HIBCH: variants seen among roughly 807,000 people sequenced by gnomAD.
The protein encoded by HIBCH is 3-hydroxyisobutyryl-CoA hydrolase, mitochondrial.
HIBCH carries 50 observed loss-of-function variants against 58.2 expected under a neutral mutation model. That is an observed-to-expected ratio of 0.86 (90% CI 0.68 to 1.09). The LOEUF is 1.09. HIBCH is among the 50% of genes least tolerant of loss of function. The pLI is 0.00. For missense variants in HIBCH, 450 were observed against 449.7 expected, an observed-to-expected ratio of 1.00 and a Z score of -0.01; for synonymous variants, 151 against 146.9, an observed-to-expected ratio of 1.03 and a Z score of -0.20.
chr2:190,287,532 C>A, intron 6 of HIBCH, 54 bp downstream of exon 6: 1 of 1,122,742 alleles, frequency 8.9e-7, no homozygotes, highest in Non-Finnish European at 1.4e-6. Context: ...TAATTATTAA[C>A]TTATTTTTAA....
intron 6 of HIBCH, among the ~76,000 whole-genome samples, chr2:190,284,621 C>T (rs1687786363): frequency 6.6e-6 from 1 of 152,210 alleles, no homozygotes; most frequent in Non-Finnish European, 1.5e-5. Context: ...ATCCTAACTA[C>T]TTCACAACTT....
chr2:190,200,246 A>ACACATT, downstream of HIBCH: 1 of 962,012 alleles, frequency 1.0e-6, no homozygotes, highest in Non-Finnish European at 1.6e-6. Flanking sequence ...AACTATCTGG[A>ACACATT]TTTAAAAATG....
intron 11 of HIBCH, among the ~76,000 whole-genome samples, chr2:190,240,623 T>C (rs1050506053): frequency 6.6e-6 from 1 of 152,236 alleles, no homozygotes; most frequent in African/African-American, 2.4e-5. Context: ...TGTGGGCATT[T>C]AGTGCTATAA....
At chr2:190,286,646 T>C (rs1277096502) in intron 6 of HIBCH, among the ~76,000 whole-genome samples, 2 of 152,226 alleles carry the variant, frequency 1.3e-5, no homozygotes, top group African/African-American at 4.8e-5. Flanking sequence ...ATTTACCAAT[T>C]GTTTTGTAAT....
Position 190,206,854 on chromosome 2 carries a change from G to A in HIBCH, c.1046-1622C>T, listed in dbSNP as rs953670428. Reference sequence around the variant, plus strand: ...TTAAAAAGTAGCATAGGCCAGGCGCGGTGGCTCAGGCCTATAATCCCAGCA... The same window carrying A: ...TTAAAAAGTAGCATAGGCCAGGCGCAGTGGCTCAGGCCTATAATCCCAGCA... On this transcript the variant is annotated intron_variant, in intron 13 of 13. Coordinates refer to ENST00000359678, the MANE Select transcript of HIBCH (RefSeq NM_014362.4). The surrounding 1 kb of genome is among the most constrained non-coding windows in gnomAD (Gnocchi z 5.1). 3.9e-5 allele frequency among the ~76,000 whole-genome samples: 6 copies of A among 152,174 alleles called. No homozygotes were observed. Among genetic ancestry groups the A allele is most frequent in the Non-Finnish European group, 7.3e-5 (5 of 68,032 alleles).
At chr2:190,256,456 A>AT (rs1553501279) in intron 7 of HIBCH, among the ~76,000 whole-genome samples, 77 of 150,934 alleles carry the variant, frequency 5.1e-4, no homozygotes, top group East Asian at 3.5e-3. Flanking sequence ...AAAAAAAAAA[A>AT]AATAATAATA....
At chr2:190,276,438 T>A (rs144231033) in intron 6 of HIBCH, among the ~76,000 whole-genome samples, 1 of 152,224 alleles carries the variant, frequency 6.6e-6, no homozygotes, top group South Asian at 2.1e-4. Context: ...CCAAATCTCA[T>A]GTTGAAATTT....
At chr2:190,199,902 C>T, downstream of HIBCH, 1 of 1,613,994 alleles carries the variant, frequency 6.2e-7, no homozygotes. Flanking sequence ...CATTTCCTAC[C>T]ATATATGAAG....
chr2:190,247,537 C>T (rs892366292), intron 9 of HIBCH, among the ~76,000 whole-genome samples: 5 of 151,710 alleles, frequency 3.3e-5, no homozygotes, highest in Non-Finnish European at 7.4e-5. Context: ...CCAAATATTT[C>T]CTTCCCTCTA....
At chr2:190,225,526 T>C (rs1427114043) in intron 11 of HIBCH, among the ~76,000 whole-genome samples, 1 of 152,072 alleles carries the variant, frequency 6.6e-6, no homozygotes, top group Non-Finnish European at 1.5e-5. Context: ...CTAGAAGAAA[T>C]GGATAAATTC....
intron 11 of HIBCH, among the ~76,000 whole-genome samples, chr2:190,223,209 T>C (rs1017083264): frequency 2.6e-5 from 4 of 152,146 alleles, no homozygotes; most frequent in East Asian, 1.9e-4. Context: ...CCAGGGCACA[T>C]GTATACCTAT....
At chr2:190,273,636 C>T (rs1212521304) in intron 6 of HIBCH, among the ~76,000 whole-genome samples, 5 of 152,072 alleles carry the variant, frequency 3.3e-5, no homozygotes, top group Non-Finnish European at 1.5e-5. Flanking sequence ...TTTTTCCTCT[C>T]TCAGCTCCTG....
intron 7 of HIBCH, among the ~76,000 whole-genome samples, chr2:190,256,043 G>A (rs1169375783): frequency 6.6e-6 from 1 of 152,104 alleles, no homozygotes; most frequent in East Asian, 1.9e-4. Context: ...AAAAGAGTGA[G>A]GAGCAAAGGG....
chr2:190,305,793 T>TA lies in HIBCH; in HGVS notation c.78+4960dup, dbSNP rs565617812. 6.5e-3 allele frequency among the ~76,000 whole-genome samples: 990 copies of TA among 152,296 alleles called. 9 individuals are homozygous for TA. Among genetic ancestry groups the TA allele is most frequent in the African/African-American group, 0.023 (940 of 41,566 alleles). ...AAAAACTTATTTCTATAAAGTCAGG[T>TA]AATAAAATATAACATTTTCTTAATA... On this transcript the variant is annotated intron_variant, in intron 2 of 13. Coordinates refer to ENST00000359678, the MANE Select transcript of HIBCH (RefSeq NM_014362.4).
At chr2:190,314,369 AC>A (rs1688654970) in intron 1 of HIBCH, among the ~76,000 whole-genome samples, 1 of 87,738 alleles carries the variant, frequency 1.1e-5, no homozygotes, top group Non-Finnish European at 2.5e-5. Context: ...GTATATATAT[AC>A]GTATATATGT....
chr2:190,201,211 C>T (rs1360387158), downstream of HIBCH: 2 of 166,950 alleles, frequency 1.2e-5, no homozygotes, highest in Admixed American at 1.3e-4. Flanking sequence ...TTCCATAAGC[C>T]TGGCTACCTT....
At chr2:190,289,947 G>C (rs189976853) in intron 5 of HIBCH, among the ~76,000 whole-genome samples, 1 of 152,134 alleles carries the variant, frequency 6.6e-6, no homozygotes, top group Non-Finnish European at 1.5e-5. Context: ...GTGCAATCTC[G>C]AATCACTGCA....
intron 7 of HIBCH, among the ~76,000 whole-genome samples, chr2:190,258,279 G>A (rs1306232927): frequency 6.6e-6 from 1 of 152,082 alleles, no homozygotes; most frequent in Non-Finnish European, 1.5e-5. Flanking sequence ...CATGCTTCCT[G>A]TACAGCCTGT....
rs139645067 is a variant in HIBCH, at chr2:190,236,897, G to A, written c.891+7990C>T. 4.9e-3 allele frequency among the ~76,000 whole-genome samples: 739 copies of A among 152,202 alleles called. 9 individuals are homozygous for A. The highest frequency in any genetic ancestry group is 6.8e-3 in the Middle Eastern group (2 of 294). ...AGGCCCATCAGTGAACTAGAAAACT[G>A]TTTTCTCTTCTGTCTACATAAACTG... On this transcript the variant is annotated intron_variant, in intron 11 of 13. Coordinates refer to ENST00000359678, the MANE Select transcript of HIBCH (RefSeq NM_014362.4). This position sits in a 1 kb window ranked among gnomAD's most constrained non-coding sequence, Gnocchi z 4.1.
Sources: gnomAD v4.1 joint callset for allele counts (sites outside exome capture counted in the v4.1 genomes callset) on GRCh38, gnomAD v4.1.1 for gene constraint, Gnocchi (gnomAD v3.1) non-coding constraint, MANE v1.5 for transcripts, NCBI Gene and HGNC (gene_info 2026-07-23, HGNC 2026-07-21) for gene names.